STK17B: variants seen among roughly 807,000 people sequenced by gnomAD.
STK17B encodes serine/threonine-protein kinase 17B.
A neutral mutation model predicts 42.0 loss-of-function variants in STK17B; 21 were observed. The ratio of observed to expected loss-of-function variants is 0.50; its 90% CI spans 0.35 to 0.72. The LOEUF (loss-of-function observed/expected upper bound fraction) is 0.72. Among genes scored for constraint, STK17B ranks in the 30% least tolerant of loss-of-function variants. The probability of loss-of-function intolerance (pLI) is 0.00; values close to 1 mark genes in which losing one functional copy is unlikely to be tolerated. For synonymous variants in STK17B, 143 were observed against 148.4 expected, an observed-to-expected ratio of 0.96 and a Z score of 0.26; for missense variants, 349 against 446.0, an observed-to-expected ratio of 0.78 and a Z score of 1.96.
At chr2:196,157,074 T>A (rs1456584304) in intron 2 of STK17B, among the ~76,000 whole-genome samples, 1 of 150,682 alleles carries the variant, frequency 6.6e-6, no homozygotes, top group Non-Finnish European at 1.5e-5. Flanking sequence ...ATCTATTGAA[T>A]CTGGGAGGCA....
intron 2 of STK17B, among the ~76,000 whole-genome samples, chr2:196,158,015 C>G (rs143515444): frequency 6.6e-6 from 1 of 152,196 alleles, no homozygotes; most frequent in African/African-American, 2.4e-5. Context: ...TATAGGGGAT[C>G]CAAAATTAAG....
At chr2:196,166,969 C>T (rs1699881679) in intron 1 of STK17B, among the ~76,000 whole-genome samples, 1 of 152,192 alleles carries the variant, frequency 6.6e-6, no homozygotes, top group Non-Finnish European at 1.5e-5. Context: ...CAAGTACTTA[C>T]AGCATGACAC....
At chr2:196,149,749 A>G (rs1699637200) in intron 3 of STK17B, among the ~76,000 whole-genome samples, 1 of 152,238 alleles carries the variant, frequency 6.6e-6, no homozygotes, top group South Asian at 2.1e-4. Context: ...TAATTTTTAA[A>G]TACAGGAACA....
chr2:196,154,956 T>C (rs1410317338), intron 3 of STK17B: 1 of 152,246 alleles, frequency 6.6e-6, no homozygotes, highest in African/African-American at 2.4e-5. Flanking sequence ...GCCAGTTTAC[T>C]GGGTAAGGTA....
Position 196,165,126 on chromosome 2 carries a change from T to A in STK17B, c.-44-1699A>T, listed in dbSNP as rs146075218. Among the ~76,000 whole-genome samples, 350 of 152,306 alleles carry A rather than the reference T, an allele frequency of 2.3e-3. 3 individuals are homozygous for A. Among genetic ancestry groups the A allele is most frequent in the Middle Eastern group, 0.01 (3 of 294 alleles). On this transcript the variant is annotated intron_variant, in intron 1 of 7. Transcript: ENST00000263955. ...CCCTGTATCTCATAATGTGACTGTC[T>A]TTGGAGACAGGGCCTTTAAAAAGGT...
rs773429199 is a variant in STK17B, at chr2:196,163,253, T to G, written c.122+9A>C. On this transcript the variant is annotated intron_variant, in intron 2 of 7. Coordinates refer to ENST00000263955, the MANE Select transcript of STK17B (RefSeq NM_004226.4). ...TTTAGATGGCATACACGTCATATGG[T>G]TTTCTTACCTCCCTAGCTCTTTAGA... is the stretch of plus-strand genomic sequence containing the variant. 1 of 1,608,890 alleles carries G rather than the reference T, an allele frequency of 6.2e-7. No individual in the cohort carries two copies. The highest frequency in any genetic ancestry group is 2.2e-5 in the East Asian group (1 of 44,726).
chr2:196,153,192 C>CTA (rs1184380213), intron 3 of STK17B: 2 of 133,840 alleles, frequency 1.5e-5, no homozygotes, highest in East Asian at 2.4e-4. Flanking sequence ...ATGTATCTAA[C>CTA]TATATATATA....
intron 3 of STK17B, chr2:196,153,487 A>C (rs1386492162): frequency 6.6e-6 from 1 of 152,158 alleles, no homozygotes; most frequent in East Asian, 1.9e-4. Flanking sequence ...CGTGATTTTG[A>C]AAAAATATGA....
intron 3 of STK17B, among the ~76,000 whole-genome samples, chr2:196,147,590 A>G (rs13026507): frequency 6.6e-6 from 1 of 151,994 alleles, no homozygotes; most frequent in African/African-American, 2.4e-5. Flanking sequence ...CCGCAAACAT[A>G]TGGTGCTTTA....
chr2:196,160,160 C>T (rs940263428), intron 2 of STK17B, among the ~76,000 whole-genome samples: 1 of 152,132 alleles, frequency 6.6e-6, no homozygotes, highest in African/African-American at 2.4e-5. Context: ...AAAGGCAAGG[C>T]TAACTAGATT....
intron 2 of STK17B, among the ~76,000 whole-genome samples, chr2:196,158,854 A>G (rs1271734978): frequency 6.6e-6 from 1 of 152,016 alleles, no homozygotes; most frequent in Non-Finnish European, 1.5e-5. Context: ...TACTAAAAAT[A>G]CAAAAAATTA....
rs560492099 is a variant in STK17B, at chr2:196,145,433, C to T, written c.480+478G>A. ...AGATGGAGATAAGAGACTGGAGGTT[C>T]GGGGCTTGGGTAAAGAGCCTGAACG... On this transcript the variant is annotated intron_variant, in intron 4 of 7. Transcript: ENST00000263955. Among the ~76,000 whole-genome samples the T allele has an allele frequency of 9.8e-4, 149 of 152,106 alleles. 1 individual carries two copies. Among genetic ancestry groups the T allele is most frequent in the Middle Eastern group, 6.8e-3 (2 of 294 alleles).
At chr2:196,167,814 T>C (rs1699890450) in intron 1 of STK17B, among the ~76,000 whole-genome samples, 2 of 152,144 alleles carry the variant, frequency 1.3e-5, no homozygotes, top group African/African-American at 4.8e-5. Context: ...CATCATGAAG[T>C]ACATTGGAAA....
At chr2:196,144,466 G>A (rs1420544671) in intron 4 of STK17B, among the ~76,000 whole-genome samples, 22 of 107,202 alleles carry the variant, frequency 2.1e-4, no homozygotes, top group Admixed American at 1.7e-3. Context: ...CAGCCTGGGC[G>A]ACAGAGCGAG....
chr2:196,157,862 AT>A (rs1699759959), intron 2 of STK17B, among the ~76,000 whole-genome samples: 1 of 152,204 alleles, frequency 6.6e-6, no homozygotes, highest in Non-Finnish European at 1.5e-5. Flanking sequence ...TGAGTCAAGG[AT>A]TATTTTGGGA....
At position 196,133,650 on chromosome 2, in the gene STK17B, A is replaced by G. The variant is rs1400653192; in HGVS notation, c.*3797T>C. On this transcript the variant is annotated 3_prime_UTR_variant, in exon 8 of 8. Transcript: ENST00000263955. ...GATGACCTAGGTCAAAGGCTAGAAC[A>G]TGCAGACATACTTTTAAGAACAATA... 1 of 152,274 alleles carries G rather than the reference A, an allele frequency of 6.6e-6. No homozygotes were observed. The highest frequency in any genetic ancestry group is 1.5e-5 in the Non-Finnish European group (1 of 68,038). The allele number at this position is 152,274 out of a possible 1,614,324, so 9.4% of individuals were successfully genotyped here. A position where few individuals can be genotyped will look rare whatever the true frequency, so the allele number is the denominator to read the frequency against.
intron 3 of STK17B, among the ~76,000 whole-genome samples, chr2:196,147,824 T>C (rs1195658103): frequency 1.3e-5 from 2 of 151,224 alleles, no homozygotes; most frequent in East Asian, 2.0e-4. Context: ...CTCCACCTCC[T>C]GGGTTCAAGA....
In STK17B at chr2:196,134,416, G is replaced by A. The variant is rs1224684136; in HGVS notation, c.*3031C>T. The A allele has an allele frequency of 2.0e-5, 3 of 152,158 alleles. No homozygotes were observed. The highest frequency in any genetic ancestry group is 7.2e-5 in the African/African-American group (3 of 41,422). 9.4% of individuals were successfully genotyped at this position (152,158 alleles called of 1,614,324 possible). A position where few individuals can be genotyped will look rare whatever the true frequency, so the allele number is the denominator to read the frequency against. On this transcript the variant is annotated 3_prime_UTR_variant, in exon 8 of 8. Coordinates refer to ENST00000263955, the MANE Select transcript of STK17B (RefSeq NM_004226.4). ...GCTCGAATCCTGCTGTGAACCACACGTGCAAGAGATCTAGGTTGCATGCTC... is the reference window on the plus strand; with the variant it reads ...GCTCGAATCCTGCTGTGAACCACACATGCAAGAGATCTAGGTTGCATGCTC...
At chr2:196,155,499 C>A (rs1575180929) in intron 3 of STK17B, among the ~76,000 whole-genome samples, 1 of 152,058 alleles carries the variant, frequency 6.6e-6, no homozygotes, top group East Asian at 1.9e-4. Flanking sequence ...GTTAATATAC[C>A]TTTAAATTTA....
Sources: gnomAD v4.1 joint callset for allele counts (sites outside exome capture counted in the v4.1 genomes callset) on GRCh38, gnomAD v4.1.1 for gene constraint, MANE v1.5 for transcripts, NCBI Gene and HGNC (gene_info 2026-07-23, HGNC 2026-07-21) for gene names.